The following ADGB variants were observed in gnomAD, a reference collection of about 807,000 sequenced individuals.
ADGB encodes androglobin.
A neutral mutation model predicts 210.5 loss-of-function variants in ADGB; 172 were observed. The ratio of observed to expected loss-of-function variants is 0.82; its 90% CI spans 0.72 to 0.93. The LOEUF is 0.93. ADGB is among the 40% of genes least tolerant of loss of function. ADGB has a pLI of 0.00. For missense variants in ADGB, 2,025 were observed against 1,964.8 expected, an observed-to-expected ratio of 1.03 and a Z score of -0.58; for synonymous variants, 658 against 662.7, an observed-to-expected ratio of 0.99 and a Z score of 0.11.
At chr6:146,730,745 A>T (rs913746918) in intron 20 of ADGB, among the ~76,000 whole-genome samples, 1 of 152,132 alleles carries the variant, frequency 6.6e-6, no homozygotes, top group Non-Finnish European at 1.5e-5. Context: ...AGAAAGATGT[A>T]CTGGCCAACG....
intron 6 of ADGB, among the ~76,000 whole-genome samples, chr6:146,666,573 A>G (rs990480414): frequency 6.6e-6 from 1 of 151,980 alleles, no homozygotes; most frequent in South Asian, 2.1e-4. Context: ...CATTAATATT[A>G]CTTTTAGATC....
chr6:146,802,012 G>A lies in ADGB; in HGVS notation c.4818+1G>A, dbSNP rs1445236854. 2.6e-6 allele frequency: 4 copies of A among 1,535,986 alleles called. No homozygotes were observed. The highest frequency in any genetic ancestry group is 2.6e-6 in the Non-Finnish European group (3 of 1,141,156). ...CCTGGATATGTATAAGGAAATGCAG[G>A]TGAGTCTAAAAGCACATACATAGAT... On this transcript the variant is annotated splice_donor_variant, in intron 35 of 35. Coordinates refer to ENST00000397944, the MANE Select transcript of ADGB (RefSeq NM_024694.4). LOFTEE classifies it high-confidence loss of function.
intron 27 of ADGB, among the ~76,000 whole-genome samples, chr6:146,762,974 T>G (rs530114866): frequency 6.6e-6 from 1 of 152,310 alleles, no homozygotes; most frequent in African/African-American, 2.4e-5. Flanking sequence ...GTGGACACCA[T>G]GTCTATTTCT....
intron 1 of ADGB, among the ~76,000 whole-genome samples, chr6:146,607,606 A>G (rs1353788672): frequency 6.6e-6 from 1 of 152,112 alleles, no homozygotes; most frequent in Non-Finnish European, 1.5e-5. Flanking sequence ...GTGAAGGTGT[A>G]ACAGATTTTA....
chr6:146,810,065 G>A (rs191034644), intron 35 of ADGB, among the ~76,000 whole-genome samples: 34 of 152,088 alleles, frequency 2.2e-4, no homozygotes, highest in Middle Eastern at 6.8e-3. Context: ...TCTGGCAAGG[G>A]GCTAATATTT....
At chr6:146,664,451 T>C in intron 6 of ADGB, 111 bp downstream of exon 6, 1 of 1,155,856 alleles carries the variant, frequency 8.7e-7, no homozygotes, top group Non-Finnish European at 1.2e-6. Flanking sequence ...GACAGCTTTT[T>C]CCCCTAAACA....
In ADGB at chr6:146,721,507, T is replaced by TTA. The variant is rs1173449237; in HGVS notation, c.2095+2_2095+3insTA. ...TGGTACGCTGGGGGGAGTATGGAGG[T>TTA]AAGAGGGCTCTGAGAAAATGATAGC... On this transcript the variant is annotated splice_region_variant and intron_variant, in intron 17 of 35. Transcript: ENST00000397944. The TTA allele has an allele frequency of 9.4e-6, 14 of 1,483,324 alleles. No individual in the cohort carries two copies. The highest frequency in any genetic ancestry group is 1.3e-5 in the Non-Finnish European group (14 of 1,107,198). 91.9% of individuals were successfully genotyped at this position (1,483,324 alleles called of 1,614,324 possible).
At chr6:146,716,729 G>A (rs990181312) in intron 14 of ADGB, among the ~76,000 whole-genome samples, 154 bp from the exon 15 acceptor site, 4 of 151,960 alleles carry the variant, frequency 2.6e-5, no homozygotes, top group Non-Finnish European at 5.9e-5. Flanking sequence ...ATGTGTCCCT[G>A]TGTGGACCTC....
intron 32 of ADGB, among the ~76,000 whole-genome samples, chr6:146,786,273 A>T (rs1777873574): frequency 2.0e-5 from 3 of 150,790 alleles, no homozygotes; most frequent in Admixed American, 2.0e-4. Context: ...CCTCAGTAAT[A>T]GTCTAAGTTC....
At chr6:146,674,446 C>A (rs1776058815) in intron 8 of ADGB, among the ~76,000 whole-genome samples, 1 of 152,032 alleles carries the variant, frequency 6.6e-6, no homozygotes, top group African/African-American at 2.4e-5. Context: ...GTTCCACACC[C>A]CAGCTATAAG....
rs377315874 is a variant in ADGB, at chr6:146,635,389, G to A, written c.89G>A (p.Gly30Asp). ...TCTCTGTCTAGTTTCTATCCTTTTG[G>A]CAGTAATGTACAATCTGGTTCTACT... ...SDKSKDFYPF[G>D]SNVQSGSTEQ... The change falls in exon 2 of 36, where the codon GGC (glycine) becomes GAC (aspartate). Residue 30 changes from glycine to aspartate, a missense_variant. By Grantham distance (94) the Gly-to-Asp change is moderately conservative. Transcript: ENST00000397944. The A allele has an allele frequency of 9.9e-6, 15 of 1,515,680 alleles. No individual in the cohort carries two copies. In the African/African-American group the frequency reaches 2.1e-4, roughly 21 times the overall value. The allele number at this position is 1,515,680 out of a possible 1,614,324, so 93.9% of individuals were successfully genotyped here.
chr6:146,602,715 T>TG (rs1227139664), intron 1 of ADGB, among the ~76,000 whole-genome samples: 1 of 152,204 alleles, frequency 6.6e-6, no homozygotes, highest in Non-Finnish European at 1.5e-5. Flanking sequence ...TGTAAGGACC[T>TG]GGGCTGTGCA....
chr6:146,783,465 T>C (rs938297574), intron 30 of ADGB, among the ~76,000 whole-genome samples: 1 of 152,204 alleles, frequency 6.6e-6, no homozygotes, highest in Admixed American at 6.5e-5. Context: ...CAGTGCTCCC[T>C]TTCCTGATCA....
intron 1 of ADGB, among the ~76,000 whole-genome samples, chr6:146,615,169 T>C (rs1780779431): frequency 6.6e-6 from 1 of 151,990 alleles, no homozygotes; most frequent in African/African-American, 2.4e-5. Flanking sequence ...GCCTCCCAAA[T>C]TGCTGGGATT....
Position 146,672,331 on chromosome 6 carries a change from A to G in ADGB, c.951A>G (p.Leu317=). ...AAATAGCAGTGTTAGATTCTAAATT[A>G]AAAGAACCAGGGAAAGAAGGGAAGG... ...ESKIAVLDSK[L]KEPGKEGKEG... Residue 317 remains leucine, a synonymous_variant, in exon 8 of 36, where the codon TTA becomes TTG. Transcript: ENST00000397944. The G allele has an allele frequency of 6.4e-7, 1 of 1,551,514 alleles. No homozygotes were observed. Among genetic ancestry groups the G allele is most frequent in the Non-Finnish European group, 8.7e-7 (1 of 1,146,852 alleles).
chr6:146,771,326 T>C (rs1010077307), intron 29 of ADGB, among the ~76,000 whole-genome samples: 1 of 152,044 alleles, frequency 6.6e-6, no homozygotes, highest in Non-Finnish European at 1.5e-5. Flanking sequence ...TTGAGCCCTT[T>C]GATTATTTTG....
intron 33 of ADGB, among the ~76,000 whole-genome samples, chr6:146,789,330 T>A (rs1396724283): frequency 2.0e-5 from 3 of 152,180 alleles, no homozygotes; most frequent in Non-Finnish European, 4.4e-5. Context: ...GGCCCATTTG[T>A]CTCTCACATC....
At chr6:146,727,702 C>G (rs1299826632) in intron 19 of ADGB, among the ~76,000 whole-genome samples, 2 of 152,158 alleles carry the variant, frequency 1.3e-5, no homozygotes, top group African/African-American at 4.8e-5. Flanking sequence ...CTACTTAGAA[C>G]CATAATTGAT....
chr6:146,803,570 A>G (rs1778163841), intron 35 of ADGB: 1 of 1,497,164 alleles, frequency 6.7e-7, no homozygotes, highest in South Asian at 1.2e-5. Flanking sequence ...TAAGCAGCCA[A>G]CTGTTTTGGA....
Sources: allele counts gnomAD v4.1 joint callset (sites outside exome capture counted in the v4.1 genomes callset), GRCh38; gene constraint gnomAD v4.1.1; transcripts MANE v1.5; gene names NCBI Gene and HGNC (gene_info 2026-07-23, HGNC 2026-07-21).